Variants in ITGAV observed in about 807,000 individuals in gnomAD.
ITGAV encodes the protein integrin alpha-V.
ITGAV carries 76 observed loss-of-function variants against 143.8 expected under a neutral mutation model. The observed-to-expected ratio is 0.53, with a 90% CI of 0.44 to 0.64. The LOEUF (loss-of-function observed/expected upper bound fraction) is 0.64, where lower values mean the gene tolerates loss of function less well. Among genes scored for constraint, ITGAV ranks in the 30% least tolerant of loss-of-function variants. The pLI is 0.00. For missense variants in ITGAV, 1,193 were observed against 1,274.7 expected, an observed-to-expected ratio of 0.94 and a Z score of 0.98; for synonymous variants, 453 against 446.7, an observed-to-expected ratio of 1.01 and a Z score of -0.18.
intron 1 of ITGAV, among the ~76,000 whole-genome samples, chr2:186,594,466 C>G (rs1308138861): frequency 6.6e-6 from 1 of 152,186 alleles, no homozygotes; most frequent in Non-Finnish European, 1.5e-5. Context: ...TCTCTGCTTT[C>G]TACTCCTTAT....
At chr2:186,654,840 A>G in intron 16 of ITGAV, 132 bp downstream of exon 16, 1 of 522,304 alleles carries the variant, frequency 1.9e-6, no homozygotes, top group Non-Finnish European at 3.4e-6. Flanking sequence ...ATGCTTAAAG[A>G]CATTTAAGAT....
chr2:186,637,676 T>G (rs1328234354), intron 8 of ITGAV, among the ~76,000 whole-genome samples: 3 of 152,170 alleles, frequency 2.0e-5, no homozygotes, highest in Non-Finnish European at 2.9e-5. Flanking sequence ...CCTTTCTGCT[T>G]CTTTTTAGCC....
chr2:186,627,475 A>G (rs1687705474), intron 4 of ITGAV, among the ~76,000 whole-genome samples: 2 of 152,214 alleles, frequency 1.3e-5, no homozygotes, highest in African/African-American at 4.8e-5. Context: ...GTAAGAATAC[A>G]TGGAACTCTC....
Position 186,676,855 on chromosome 2 carries a change from C to T in ITGAV, c.2971C>T (p.Pro991Ser). The T allele has an allele frequency of 1.9e-6, 3 of 1,614,026 alleles. No individual in the cohort carries two copies. Among genetic ancestry groups the T allele is most frequent in the Non-Finnish European group, 2.5e-6 (3 of 1,179,950 alleles). The part of the protein sequence containing the change: ...VTWGIQPAPM[P>S]VPVWVIILAV... ...CTGGGGCATTCAGCCAGCGCCCATG[C>T]CTGTGCCTGTGTGGGTGATCATTTT... is the stretch of plus-strand genomic sequence containing the variant. The change falls in exon 29 of 30, where the codon CCT (proline) becomes TCT (serine). Residue 991 changes from proline to serine, a missense_variant. By Grantham distance (74) the Pro-to-Ser change is moderately conservative (BLOSUM62 -1). Transcript: ENST00000261023.
rs61764166 is a variant in ITGAV, at chr2:186,670,759, T to C, written c.2706+945T>C. On this transcript the variant is annotated intron_variant, in intron 26 of 29. Coordinates refer to ENST00000261023, the MANE Select transcript of ITGAV (RefSeq NM_002210.5). The stretch of plus-strand genomic sequence containing the variant: ...GTAAATACCATGTGGTGTAGATGCT[T>C]TGATTTATATTTCCAGTCTGATCTT... Among the ~76,000 whole-genome samples, 181 of 152,094 alleles carry C rather than the reference T, an allele frequency of 1.2e-3. 2 individuals are homozygous for C. The highest frequency in any genetic ancestry group is 0.01 in the Middle Eastern group (3 of 294).
Position 186,656,306 on chromosome 2 carries a change from C to T in ITGAV, c.1624C>T (p.Leu542=), listed in dbSNP as rs1187677591. 1.9e-6 allele frequency: 3 copies of T among 1,586,638 alleles called. No individual in the cohort carries two copies. The highest frequency in any genetic ancestry group is 2.6e-6 in the Non-Finnish European group (3 of 1,170,140). ...LKQKGAIRRA[L]FLYSRSPSHS... ...GCAAAAGGGAGCAATTCGACGAGCA[C>T]TGTTTCTCTACAGCAGGTCCCCAAG... Residue 542 remains leucine (L), a synonymous_variant, in exon 17 of 30, where the codon CTG becomes TTG. Transcript: ENST00000261023.
chr2:186,653,710 TCTG>T (rs1181566557), intron 15 of ITGAV, among the ~76,000 whole-genome samples: 3 of 152,340 alleles, frequency 2.0e-5, no homozygotes, highest in Non-Finnish European at 2.9e-5. Context: ...TTGCCAATAA[TCTG>T]CTTCTAATTA....
In ITGAV at chr2:186,677,552, T is replaced by A. The variant is rs1689248716; in HGVS notation, c.*260T>A. The stretch of plus-strand genomic sequence containing the variant: ...CAAGGGATAGTTTTTATTCAATGTA[T>A]ATAAGACAGGTAGTGCCTGATTTAC... On this transcript the variant is annotated 3_prime_UTR_variant, in exon 30 of 30. Transcript: ENST00000261023. 1 of 315,204 alleles carries A rather than the reference T, an allele frequency of 3.2e-6. No individual in the cohort carries two copies. Among genetic ancestry groups the A allele is most frequent in the Admixed American group, 4.5e-5 (1 of 22,414 alleles). 19.5% of individuals were successfully genotyped at this position (315,204 alleles called of 1,614,324 possible).
In ITGAV at chr2:186,667,120, C is replaced by A. The variant is rs1376298760; in HGVS notation, c.2247-30C>A. On this transcript the variant is annotated intron_variant, in intron 22 of 29. Transcript: ENST00000261023. ...ATGTTCTTGGTTGTTATGCATAATT[C>A]ATTTTTAAGTTTTTTTTTTTCTTTT... 7 of 1,549,496 alleles carry A rather than the reference C, an allele frequency of 4.5e-6. No homozygotes were observed. In the South Asian group the frequency reaches 8.2e-5, roughly 18 times the overall value.
intron 5 of ITGAV, among the ~76,000 whole-genome samples, chr2:186,631,962 G>C (rs540594857): frequency 6.6e-6 from 1 of 152,282 alleles, no homozygotes; most frequent in East Asian, 1.9e-4. Context: ...CAGTGAGTGA[G>C]GCTGCATTGA....
intron 2 of ITGAV, among the ~76,000 whole-genome samples, chr2:186,614,790 A>G (rs1687307556): frequency 6.6e-6 from 1 of 151,968 alleles, no homozygotes; most frequent in African/African-American, 2.4e-5. Flanking sequence ...TTATATATAT[A>G]TACATTTCTG....
chr2:186,642,535 CTTT>C (rs35034170), intron 12 of ITGAV, among the ~76,000 whole-genome samples: 24 of 113,172 alleles, frequency 2.1e-4, no homozygotes, highest in Admixed American at 2.9e-4. Flanking sequence ...TCTTTTTTTT[CTTT>C]TTTTTTTTTT....
chr2:186,649,572 G>T (rs1379097977), intron 13 of ITGAV, among the ~76,000 whole-genome samples: 2 of 152,026 alleles, frequency 1.3e-5, no homozygotes, highest in Non-Finnish European at 1.5e-5. Context: ...GCAGGTGTAT[G>T]ATTATCATTG....
At position 186,594,242 on chromosome 2, in the gene ITGAV, T is replaced by A. The variant is rs141413052; in HGVS notation, c.185+3719T>A. ...CTAGCCTGTCTTAACTCAATTTGAC[T>A]AAAAAGTCTTCACCAAGAGATGTTA... is the stretch of plus-strand genomic sequence containing the variant. On this transcript the variant is annotated intron_variant, in intron 1 of 29. Coordinates refer to ENST00000261023, the MANE Select transcript of ITGAV (RefSeq NM_002210.5). Among the ~76,000 whole-genome samples the A allele has an allele frequency of 9.8e-5, 15 of 152,340 alleles. No homozygotes were observed. The East Asian group carries it at 2.7e-3, about 27-fold the overall frequency.
intron 15 of ITGAV, among the ~76,000 whole-genome samples, chr2:186,653,509 G>T (rs971622694): frequency 6.6e-6 from 1 of 152,200 alleles, no homozygotes; most frequent in Non-Finnish European, 1.5e-5. Context: ...TATTGTTCCT[G>T]AATTTGTTTT....
chr2:186,605,753 T>TATATTTATATGTATAATAC lies in ITGAV; in HGVS notation c.316+3606_316+3607insTTATATGTATAATACATAT, dbSNP rs1559040155. Among the ~76,000 whole-genome samples the TATATTTATATGTATAATAC allele has an allele frequency of 3.4e-5, 5 of 145,962 alleles. 1 individual carries two copies. The highest frequency in any genetic ancestry group is 7.5e-5 in the Non-Finnish European group (5 of 66,854). ...GGTTGTAGATGTGTATATATATATA[T>TATATTTATATGTATAATAC]ATATATTTATATGTATAATACATAT... On this transcript the variant is annotated intron_variant, in intron 2 of 29. Coordinates refer to ENST00000261023, the MANE Select transcript of ITGAV (RefSeq NM_002210.5).
At chr2:186,675,790 G>A in intron 27 of ITGAV, 30 bp from the exon 28 acceptor site, 1 of 1,553,562 alleles carries the variant, frequency 6.4e-7, no homozygotes, top group African/African-American at 1.4e-5. Context: ...CTGATATCTG[G>A]GAAATCATCT....
At chr2:186,619,952 A>G (rs1391680952) in intron 2 of ITGAV, among the ~76,000 whole-genome samples, 5 of 152,072 alleles carry the variant, frequency 3.3e-5, no homozygotes, top group Non-Finnish European at 7.4e-5. Flanking sequence ...AGATCGCGCC[A>G]CTGTACTCCA....
chr2:186,663,391 C>T (rs2105740701), intron 18 of ITGAV, among the ~76,000 whole-genome samples: 3 of 152,234 alleles, frequency 2.0e-5, no homozygotes, highest in Middle Eastern at 3.4e-3. Context: ...GTCTATTTTG[C>T]CCAACATCTC....
Sources: gnomAD v4.1 joint callset for allele counts (sites outside exome capture counted in the v4.1 genomes callset) on GRCh38, gnomAD v4.1.1 for gene constraint, MANE v1.5 for transcripts, NCBI Gene and HGNC (gene_info 2026-07-23, HGNC 2026-07-21) for gene names.